Variants in EFCAB7 observed in about 807,000 individuals in gnomAD.
EFCAB7 encodes the protein EF-hand calcium binding domain 7.
EFCAB7 carries 66 observed loss-of-function variants against 77.1 expected under a neutral mutation model. The observed-to-expected ratio is 0.86, with a 90% CI of 0.70 to 1.05. The LOEUF (loss-of-function observed/expected upper bound fraction) is 1.05, where lower values mean the gene tolerates loss of function less well. EFCAB7 is among the 50% of genes least tolerant of loss of function. The pLI, the probability that EFCAB7 is intolerant of heterozygous loss-of-function variation, is 0.00. For synonymous variants in EFCAB7, 225 were observed against 243.3 expected (o/e 0.92, Z 0.70); for missense variants, 638 against 730.5 (o/e 0.87, Z 1.46).
intron 6 of EFCAB7, 147 bp downstream of exon 6, chr1:63,534,363 G>A (rs568189252): frequency 8.6e-6 from 5 of 578,346 alleles, no homozygotes; most frequent in African/African-American, 5.6e-5. Context: ...GTAAGCTAGT[G>A]TAATACTTTT....
chr1:63,554,727 C>T (rs1032200242), intron 8 of EFCAB7, among the ~76,000 whole-genome samples: 2 of 152,146 alleles, frequency 1.3e-5, no homozygotes, highest in Non-Finnish European at 2.9e-5. Context: ...TGATAGGAAA[C>T]AGAATTTCAT....
chr1:63,576,348 C>T (rs962206797), downstream of EFCAB7, among the ~76,000 whole-genome samples: 5 of 151,456 alleles, frequency 3.3e-5, no homozygotes, highest in African/African-American at 9.7e-5. Context: ...GGTGTGCTGG[C>T]GGACGCCTGT....
At chr1:63,542,301 T>C (rs1479549187) in intron 6 of EFCAB7, among the ~76,000 whole-genome samples, 1 of 152,258 alleles carries the variant, frequency 6.6e-6, no homozygotes, top group Non-Finnish European at 1.5e-5. Flanking sequence ...TTTTTAAGAC[T>C]GAATAATATT....
intron 11 of EFCAB7, among the ~76,000 whole-genome samples, chr1:63,566,305 A>G (rs1056753116): frequency 2.5e-4 from 38 of 152,356 alleles, no homozygotes; most frequent in African/African-American, 8.7e-4. Flanking sequence ...ATGAGAACAC[A>G]TGGACACATA....
At chr1:63,532,228 C>T (rs921568186) in intron 3 of EFCAB7, among the ~76,000 whole-genome samples, 197 bp downstream of exon 3, 3 of 151,992 alleles carry the variant, frequency 2.0e-5, no homozygotes, top group African/African-American at 4.8e-5. Flanking sequence ...AGTATAAAAT[C>T]GAGCTTATGT....
intron 5 of EFCAB7, 95 bp from the exon 6 acceptor site, chr1:63,534,000 A>G: frequency 2.3e-6 from 3 of 1,328,206 alleles, no homozygotes; most frequent in Non-Finnish European, 2.1e-6. Flanking sequence ...GAATCAAAGT[A>G]ATACAGTAGA....
chr1:63,582,339 A>G, the EFCAB7 span, among the ~76,000 whole-genome samples: 1 of 152,220 alleles, frequency 6.6e-6, no homozygotes, highest in Non-Finnish European at 1.5e-5. Context: ...TGCATTGTGG[A>G]TTGAGGTTTG....
At chr1:63,582,435 T>C in the EFCAB7 span, among the ~76,000 whole-genome samples, 1 of 152,250 alleles carries the variant, frequency 6.6e-6, no homozygotes, top group African/African-American at 2.4e-5. Context: ...ATAACACCGT[T>C]GCTGCAGCTA....
At chr1:63,551,619 C>A in intron 7 of EFCAB7, 106 bp from the exon 8 acceptor site, 9 of 451,964 alleles carry the variant, frequency 2.0e-5, no homozygotes, top group Admixed American at 4.5e-5. Flanking sequence ...ATATGTATTT[C>A]TAAAGAAAAT....
chr1:63,557,543 C>T (rs928261243), intron 10 of EFCAB7, among the ~76,000 whole-genome samples: 4 of 152,168 alleles, frequency 2.6e-5, no homozygotes, highest in Admixed American at 2.6e-4. Flanking sequence ...CTTGATACCA[C>T]TGGGCCTGAA....
chr1:63,551,771 C>T lies in EFCAB7; in HGVS notation c.993C>T (p.Leu331=). 8 of 1,588,334 alleles carry T rather than the reference C, an allele frequency of 5.0e-6. No homozygotes were observed. The highest frequency in any genetic ancestry group is 6.9e-6 in the Non-Finnish European group (8 of 1,166,916). ...WLSVDTALYI[L]KENESQANLQ... is the part of the protein sequence containing the mutation. ...CCGTTGATACTGCCTTGTATATTCT[C>T]AAGGAAAATGAGAGTCAAGCAAATC... is the stretch of plus-strand genomic sequence containing the variant. Residue 331 remains leucine (L), a synonymous_variant, in exon 8 of 14, where the codon CTC becomes CTT. Coordinates refer to ENST00000371088, the MANE Select transcript of EFCAB7 (RefSeq NM_032437.4).
intron 11 of EFCAB7, among the ~76,000 whole-genome samples, chr1:63,563,819 A>T (rs1056826582): frequency 8.5e-5 from 13 of 152,094 alleles, no homozygotes; most frequent in Admixed American, 8.5e-4. Flanking sequence ...CTGATTACAC[A>T]TTCCCTGTAT....
chr1:63,527,473 G>A lies in EFCAB7; in HGVS notation c.187+1714G>A, dbSNP rs532146788. ...TTTCCATTTTAAGGTCAGAGACAGC[G>A]GTAGCATTACTATAGCTTTAAGTTC... is the stretch of plus-strand genomic sequence containing the variant. On this transcript the variant is annotated intron_variant, in intron 2 of 13. Coordinates refer to ENST00000371088, the MANE Select transcript of EFCAB7 (RefSeq NM_032437.4). Among the ~76,000 whole-genome samples, 61 of 151,972 alleles carry A rather than the reference G, an allele frequency of 4.0e-4. 1 individual carries two copies. Among genetic ancestry groups the A allele is most frequent in the African/African-American group, 1.4e-3 (57 of 41,412 alleles).
intron 2 of EFCAB7, chr1:63,528,012 CA>C (rs1022119206): frequency 6.6e-6 from 1 of 152,150 alleles, no homozygotes; most frequent in Non-Finnish European, 1.5e-5. Flanking sequence ...CTGTGGAGAA[CA>C]GTTTGGAGGC....
intron 10 of EFCAB7, among the ~76,000 whole-genome samples, chr1:63,561,487 A>T (rs1647099889): frequency 1.3e-5 from 2 of 152,204 alleles, no homozygotes; most frequent in Non-Finnish European, 2.9e-5. Flanking sequence ...TTTTTTGAAA[A>T]ATGAAATTGT....
At chr1:63,532,525 C>T in intron 3 of EFCAB7, 145 bp from the exon 4 acceptor site, 1 of 571,018 alleles carries the variant, frequency 1.8e-6, no homozygotes, top group Non-Finnish European at 3.0e-6. Flanking sequence ...CTCATTCTTT[C>T]TTTATATATA....
chr1:63,544,445 C>T (rs910617133), intron 6 of EFCAB7, among the ~76,000 whole-genome samples: 1 of 152,186 alleles, frequency 6.6e-6, no homozygotes, highest in Non-Finnish European at 1.5e-5. Context: ...CAGAGTCTCA[C>T]TCTGTCACCC....
At chr1:63,552,730 T>C (rs1646981286) in intron 8 of EFCAB7, among the ~76,000 whole-genome samples, 1 of 152,206 alleles carries the variant, frequency 6.6e-6, no homozygotes, top group African/African-American at 2.4e-5. Context: ...AAGGGCTTAC[T>C]ACAGTATCAT....
At chr1:63,573,100 A>T (rs888358612), downstream of EFCAB7, among the ~76,000 whole-genome samples, 6 of 152,160 alleles carry the variant, frequency 3.9e-5, no homozygotes, top group African/African-American at 1.4e-4. Flanking sequence ...GAGGCCTGAC[A>T]TTCCTGTCTT....
Sources: allele counts gnomAD v4.1 joint callset (sites outside exome capture counted in the v4.1 genomes callset), GRCh38; gene constraint gnomAD v4.1.1; transcripts MANE v1.5; gene names NCBI Gene and HGNC (gene_info 2026-07-23, HGNC 2026-07-21).